The following TNRC18 variants were observed in gnomAD, a reference collection of about 807,000 sequenced individuals.
TNRC18 encodes the protein trinucleotide repeat-containing gene 18 protein.
In TNRC18, 69 loss-of-function variants were observed where a neutral mutation model predicts 226.7. The observed-to-expected ratio is 0.30, with a 90% confidence interval of 0.25 to 0.37. TNRC18 has a LOEUF of 0.37. Among genes scored for constraint, TNRC18 ranks in the 10% least tolerant of loss-of-function variants. The probability of loss-of-function intolerance (pLI) is 1.00; values close to 1 mark genes in which losing one functional copy is unlikely to be tolerated. For missense variants in TNRC18, 4,754 were observed against 4,256.6 expected, an observed-to-expected ratio of 1.12 and a Z score of -3.25; for synonymous variants, 2,449 against 1,927.6, an observed-to-expected ratio of 1.27 and a Z score of -7.09.
At chr7:5,363,031 C>A (rs1007471493) in intron 11 of TNRC18, among the ~76,000 whole-genome samples, 1 of 152,216 alleles carries the variant, frequency 6.6e-6, no homozygotes, top group African/African-American at 2.4e-5. Context: ...TGGTGGCTCA[C>A]GCCTGTAATC....
rs895022551 is a variant in TNRC18, at chr7:5,388,579, G to A, written c.1245C>T (p.Gly415=). The A allele has an allele frequency of 1.2e-5, 16 of 1,300,232 alleles. No individual in the cohort carries two copies. The African/African-American group carries it at 2.2e-4, about 18-fold the overall frequency. 80.5% of individuals were successfully genotyped at this position (1,300,232 alleles called of 1,614,324 possible). A position where few individuals can be genotyped will look rare whatever the true frequency, so the allele number is the denominator to read the frequency against. The change falls in exon 5 of 30, where the codon GGC becomes GGT. Residue 415 remains glycine (G), a synonymous_variant. Transcript: ENST00000430969. ...CGGGCCGGTCCAGAGGCCGCGGGGA[G>A]CCGGGGGGCGCCTGCAGGACCCCTG... ...GRPGVLQAPP[G]SPRPLDRPEG...
chr7:5,397,769 C>T (rs1251771070), intron 2 of TNRC18, among the ~76,000 whole-genome samples: 2 of 152,092 alleles, frequency 1.3e-5, no homozygotes, highest in East Asian at 3.9e-4. Context: ...AACAGCCACA[C>T]GACCCAAGCA....
At position 5,332,729 on chromosome 7, in the gene TNRC18, G is replaced by A. The variant is rs775984598; in HGVS notation, c.6040C>T (p.Pro2014Ser). Residue 2014 changes from proline (P) to serine (S), a missense_variant, in exon 19 of 30, where the codon CCC (proline) becomes TCC (serine). Physicochemically the swap from Pro to Ser is moderately conservative, Grantham distance 74 (BLOSUM62 -1). Transcript: ENST00000430969. ...LHDASAAAPAPVSTAPATKTS... is the reference protein window; with the variant it reads ...LHDASAAAPASVSTAPATKTS... ...TTGGTGGCGGGCGCGGTGCTGACGG[G>A]CGCAGGTGCAGCAGCCGAGGCGTCG... is the stretch of plus-strand genomic sequence containing the variant. 10 of 1,524,472 alleles carry A rather than the reference G, an allele frequency of 6.6e-6. No homozygotes were observed. The African/African-American group carries it at 1.1e-4, about 17-fold the overall frequency. 94.4% of individuals were successfully genotyped at this position (1,524,472 alleles called of 1,614,324 possible). A position where few individuals can be genotyped will look rare whatever the true frequency, so the allele number is the denominator to read the frequency against.
intron 9 of TNRC18, among the ~76,000 whole-genome samples, chr7:5,374,986 A>G (rs564770144): frequency 1.1e-4 from 17 of 152,196 alleles, no homozygotes; most frequent in African/African-American, 1.7e-4. Context: ...GCGACCACCA[A>G]TGCCTACCTG....
chr7:5,330,283 G>A (rs1211656003), intron 19 of TNRC18, among the ~76,000 whole-genome samples: 1 of 152,094 alleles, frequency 6.6e-6, no homozygotes, highest in Non-Finnish European at 1.5e-5. Context: ...AGGCTGGAGT[G>A]AGGCAGTATG....
chr7:5,359,499 C>A lies in TNRC18; in HGVS notation c.4732G>T (p.Gly1578Trp). The A allele has an allele frequency of 1.2e-6, 2 of 1,614,016 alleles. No homozygotes were observed. Among genetic ancestry groups the A allele is most frequent in the African/African-American group, 1.3e-5 (1 of 75,056 alleles). ...AGGGCATCATGTTCCTCCTCAGACC[C>A]CTTGTGTCTCTTTCTTATCCCTGCT... ...LGAGIRKRHKGSEEEHDALIG... is the reference protein window; with the variant it reads ...LGAGIRKRHKWSEEEHDALIG... The change falls in exon 15 of 30, where the codon GGG (glycine) becomes TGG (tryptophan). Residue 1578 changes from glycine (G) to tryptophan (W), a missense_variant. Coordinates refer to ENST00000430969, the MANE Select transcript of TNRC18 (RefSeq NM_001080495.3).
At chr7:5,356,804 G>A (rs1583893291) in intron 16 of TNRC18, 112 bp downstream of exon 16, 6 of 1,379,514 alleles carry the variant, frequency 4.3e-6, no homozygotes, top group East Asian at 5.0e-5. Context: ...CAGAGAGAGA[G>A]CGAGAGCGAG....
chr7:5,413,210 G>A (rs1268821508), intron 2 of TNRC18, among the ~76,000 whole-genome samples: 1 of 152,162 alleles, frequency 6.6e-6, no homozygotes, highest in Non-Finnish European at 1.5e-5. Flanking sequence ...AGGGTGGGAG[G>A]AGCTGGGCCA....
chr7:5,394,367 G>A lies in TNRC18; in HGVS notation c.343+73C>T. ...CCAGCTCAGCGATGACAACAGAGGG[G>A]CACATGAAGTGGCCAGAGTGGCTGG... On this transcript the variant is annotated intron_variant, in intron 3 of 29. Transcript: ENST00000430969. The surrounding 1 kb of genome is among the most constrained non-coding windows in gnomAD (Gnocchi z 4.5). 3 of 1,380,676 alleles carry A rather than the reference G, an allele frequency of 2.2e-6. No individual in the cohort carries two copies. Among genetic ancestry groups the A allele is most frequent in the Non-Finnish European group, 2.9e-6 (3 of 1,041,116 alleles). 85.5% of individuals were successfully genotyped at this position (1,380,676 alleles called of 1,614,324 possible).
At chr7:5,358,881 A>AT (rs1280471069) in intron 15 of TNRC18, among the ~76,000 whole-genome samples, 1 of 152,198 alleles carries the variant, frequency 6.6e-6, no homozygotes, top group Non-Finnish European at 1.5e-5. Flanking sequence ...GGCAAGGTAC[A>AT]TTAGTATTTA....
In TNRC18 at chr7:5,332,938, G is replaced by A. The variant is rs757990581; in HGVS notation, c.5831C>T (p.Ala1944Val). 3 of 1,549,434 alleles carry A rather than the reference G, an allele frequency of 1.9e-6. No homozygotes were observed. Among genetic ancestry groups the A allele is most frequent in the Admixed American group, 1.9e-5 (1 of 53,052 alleles). The part of the protein sequence containing the change: ...KGLGEPGPSL[A>V]APTPGARGPD... ...ACCGCGGGCGCCAGGCGTGGGTGCG[G>A]CCAGGGAGGGTCCCGGCTCCCCCAG... Residue 1944 changes from alanine (A) to valine (V), a missense_variant, in exon 19 of 30, where the codon GCC becomes GTC. Physicochemically the swap from Ala to Val is moderately conservative, Grantham distance 64 (BLOSUM62 0). Coordinates refer to ENST00000430969, the MANE Select transcript of TNRC18 (RefSeq NM_001080495.3).
In TNRC18 at chr7:5,309,697, G is replaced by T. The variant is rs1228896766; in HGVS notation, c.8389-329C>A. ...GACTCACTGCAGCCACGAACTCCTA[G>T]ACTCAAGAAATCCTCTCCCACCTCA... On this transcript the variant is annotated intron_variant, in intron 27 of 29. Coordinates refer to ENST00000430969, the MANE Select transcript of TNRC18 (RefSeq NM_001080495.3). The surrounding 1 kb of genome is among the most constrained non-coding windows in gnomAD (Gnocchi z 5.7). Among the ~76,000 whole-genome samples the T allele has an allele frequency of 2.0e-5, 3 of 152,190 alleles. No individual in the cohort carries two copies. Among genetic ancestry groups the T allele is most frequent in the African/African-American group, 4.8e-5 (2 of 41,456 alleles).
chr7:5,355,579 A>T (rs1274238618), intron 16 of TNRC18, among the ~76,000 whole-genome samples: 3 of 152,220 alleles, frequency 2.0e-5, no homozygotes, highest in Non-Finnish European at 4.4e-5. Flanking sequence ...GGGAGACCCC[A>T]TCTCTACGAA....
Position 5,376,899 on chromosome 7 carries a change from G to A in TNRC18, c.2556C>T (p.Asp852=), listed in dbSNP as rs1417864230. 1.9e-6 allele frequency: 3 copies of A among 1,610,540 alleles called. No homozygotes were observed. Among genetic ancestry groups the A allele is most frequent in the African/African-American group, 1.3e-5 (1 of 75,000 alleles). ...SLPSAYQFVR[D]PQSGQLVVIP... Reference sequence around the variant, plus strand: ...TGACCACCAGCTGGCCCGATTGGGGGTCCCTGACAAACTGGTAGGCTGACG... The same window carrying A: ...TGACCACCAGCTGGCCCGATTGGGGATCCCTGACAAACTGGTAGGCTGACG... The change falls in exon 8 of 30, where the codon GAC becomes GAT. Residue 852 remains aspartate, a synonymous_variant. Transcript: ENST00000430969.
chr7:5,364,912 C>A (rs550488390), intron 11 of TNRC18, among the ~76,000 whole-genome samples: 2 of 152,076 alleles, frequency 1.3e-5, no homozygotes, highest in Non-Finnish European at 2.9e-5. Flanking sequence ...ACATCTACCT[C>A]CTCATTATGA....
In TNRC18 at chr7:5,388,085, C is replaced by G. The variant is rs989677161; in HGVS notation, c.1739G>C (p.Gly580Ala). The change falls in exon 5 of 30, where the codon GGA (glycine) becomes GCA (alanine). Residue 580 changes from glycine to alanine, a missense_variant. Transcript: ENST00000430969. ...ADMHSAAHGS[G>A]EASAMQSLIK... ...AAGGCTCTGCATGGCCGAGGCCTCT[C>G]CAGACCCGTGGGCCGCAGAGTGCAT... The G allele has an allele frequency of 2.6e-6, 4 of 1,554,952 alleles. No homozygotes were observed. The highest frequency in any genetic ancestry group is 3.5e-6 in the Non-Finnish European group (4 of 1,149,826).
At chr7:5,331,735 C>T (rs1275135214) in intron 19 of TNRC18, among the ~76,000 whole-genome samples, 2 of 152,058 alleles carry the variant, frequency 1.3e-5, no homozygotes, top group Non-Finnish European at 2.9e-5. Context: ...TGCAGCAAGA[C>T]CTTGTCTATA....
At chr7:5,402,181 A>AAAC (rs1193532987) in intron 2 of TNRC18, among the ~76,000 whole-genome samples, 3 of 91,886 alleles carry the variant, frequency 3.3e-5, no homozygotes, top group African/African-American at 8.9e-5. Context: ...TCTGTCTCAA[A>AAAC]AAAAAAAAAA....
chr7:5,329,856 G>C (rs1326158360), intron 19 of TNRC18: 3 of 465,602 alleles, frequency 6.4e-6, no homozygotes, highest in Non-Finnish European at 8.9e-6. Context: ...CCTTCTGTTG[G>C]AGGCCCAGGG....
Sources: allele counts gnomAD v4.1 joint callset (sites outside exome capture counted in the v4.1 genomes callset), GRCh38; gene constraint gnomAD v4.1.1; non-coding constraint Gnocchi (gnomAD v3.1); transcripts MANE v1.5; gene names NCBI Gene and HGNC (gene_info 2026-07-23, HGNC 2026-07-21).